ELMO1: variants seen among roughly 807,000 people sequenced by gnomAD.
The protein encoded by ELMO1 is engulfment and cell motility 1, also known as engulfment and cell motility protein 1.
Under a neutral mutation model 98.9 loss-of-function variants are expected in ELMO1, and 26 were observed. The ratio of observed to expected loss-of-function variants is 0.26; its 90% CI spans 0.19 to 0.36. The LOEUF (loss-of-function observed/expected upper bound fraction) is 0.36, where lower values mean the gene tolerates loss of function less well. Ranked by LOEUF, ELMO1 falls within the 10% of genes least tolerant of loss-of-function variation. ELMO1 has a pLI of 1.00. For missense variants in ELMO1, 627 were observed against 935.2 expected (o/e 0.67, Z 4.30); for synonymous variants, 346 against 346.0 (o/e 1.00, Z 0.00).
At chr7:37,118,628 T>A (rs1157566470) in intron 14 of ELMO1, among the ~76,000 whole-genome samples, 2 of 152,182 alleles carry the variant, frequency 1.3e-5, no homozygotes, top group Non-Finnish European at 2.9e-5. Flanking sequence ...ACTCAAATGG[T>A]TGAAGCACCT....
chr7:37,256,686 GGGAAGGAAGAAA>G (rs1340919043), intron 6 of ELMO1, among the ~76,000 whole-genome samples: 5 of 136,656 alleles, frequency 3.7e-5, no homozygotes, highest in Non-Finnish European at 6.3e-5. Flanking sequence ...GGGAGAAGGA[GGGAAGGAAGAAA>G]GGAAGGAAGA....
At chr7:37,445,706 T>C (rs1368318651) in intron 1 of ELMO1, among the ~76,000 whole-genome samples, 1 of 152,190 alleles carries the variant, frequency 6.6e-6, no homozygotes, top group Non-Finnish European at 1.5e-5. Flanking sequence ...TAATGTTTTC[T>C]CACTTTTATT....
intron 16 of ELMO1, among the ~76,000 whole-genome samples, chr7:36,902,066 T>C (rs1236284885): frequency 6.6e-6 from 1 of 152,206 alleles, no homozygotes; most frequent in Non-Finnish European, 1.5e-5. Context: ...TGCAGTCCCC[T>C]GGTGAAGGGC....
intron 1 of ELMO1, among the ~76,000 whole-genome samples, chr7:37,407,766 T>C (rs1420914589): frequency 1.3e-5 from 2 of 152,186 alleles, no homozygotes; most frequent in Non-Finnish European, 2.9e-5. Context: ...TATGCATTCG[T>C]TCAATCTCAT....
chr7:37,229,163 G>A (rs1324968405), intron 8 of ELMO1, among the ~76,000 whole-genome samples: 1 of 152,142 alleles, frequency 6.6e-6, no homozygotes, highest in Non-Finnish European at 1.5e-5. Context: ...AACATTTGCG[G>A]GGTAAGCCAG....
intron 15 of ELMO1, among the ~76,000 whole-genome samples, chr7:37,046,143 G>A (rs1795783991): frequency 6.6e-6 from 1 of 152,198 alleles, no homozygotes; most frequent in South Asian, 2.1e-4. Context: ...CCAAGAAAGA[G>A]TCAGTTGATC....
At chr7:37,030,706 G>C (rs532681543) in intron 15 of ELMO1, among the ~76,000 whole-genome samples, 2 of 152,038 alleles carry the variant, frequency 1.3e-5, no homozygotes, top group African/African-American at 4.8e-5. Context: ...GCTCTTTCTC[G>C]TCTCCTTCAT....
intron 11 of ELMO1, among the ~76,000 whole-genome samples, chr7:37,213,664 A>G (rs531732606): frequency 1.4e-4 from 21 of 152,078 alleles, no homozygotes; most frequent in African/African-American, 4.8e-4. Context: ...CCATGAAAAA[A>G]CCTACTGTGG....
chr7:37,121,086 A>G (rs868817773), intron 14 of ELMO1, among the ~76,000 whole-genome samples: 1 of 152,230 alleles, frequency 6.6e-6, no homozygotes, highest in Non-Finnish European at 1.5e-5. Context: ...AAGGAAAACT[A>G]ACAAACAGAA....
chr7:37,362,867 C>G (rs1325877515), intron 1 of ELMO1, among the ~76,000 whole-genome samples: 2 of 152,180 alleles, frequency 1.3e-5, no homozygotes, highest in East Asian at 3.9e-4. Flanking sequence ...ATACATATGA[C>G]TCTTGTGGCT....
chr7:37,368,928 C>T (rs908369589), intron 1 of ELMO1, among the ~76,000 whole-genome samples: 2 of 152,160 alleles, frequency 1.3e-5, no homozygotes, highest in Non-Finnish European at 2.9e-5. Flanking sequence ...ATGCCTTTCT[C>T]TCCTTTTCAT....
chr7:36,916,686 G>A (rs1039878983), intron 16 of ELMO1, among the ~76,000 whole-genome samples: 1 of 152,228 alleles, frequency 6.6e-6, no homozygotes, highest in Non-Finnish European at 1.5e-5. Flanking sequence ...GGGGGCCTGT[G>A]CCCAGCCTTC....
At chr7:36,975,579 G>C (rs962925944) in intron 16 of ELMO1, among the ~76,000 whole-genome samples, 1 of 152,120 alleles carries the variant, frequency 6.6e-6, no homozygotes, top group Non-Finnish European at 1.5e-5. Context: ...GGGAGCCATG[G>C]CTCATGTCTA....
chr7:37,086,627 C>T (rs1783794964), intron 15 of ELMO1, among the ~76,000 whole-genome samples: 1 of 150,816 alleles, frequency 6.6e-6, no homozygotes, highest in South Asian at 2.1e-4. Flanking sequence ...CCTGTAATCC[C>T]AGGTACTCGG....
At chr7:37,101,241 G>A (rs1784622838) in intron 14 of ELMO1, among the ~76,000 whole-genome samples, 2 of 152,184 alleles carry the variant, frequency 1.3e-5, no homozygotes, top group African/African-American at 4.8e-5. Context: ...CACCAAGAAT[G>A]CAAGATAAAA....
rs544980067 is a variant in ELMO1, at chr7:37,165,444, GC to G, written c.1087-32211del. Among the ~76,000 whole-genome samples the G allele has an allele frequency of 6.6e-3, 1,006 of 152,036 alleles. 6 individuals are homozygous for G. The highest frequency in any genetic ancestry group is 0.011 in the Non-Finnish European group (714 of 67,960). On this transcript the variant is annotated intron_variant, in intron 13 of 21. Coordinates refer to ENST00000310758, the MANE Select transcript of ELMO1 (RefSeq NM_014800.11). ...TTCAAAGGGAATGCTTCCAGTTTTT[GC>G]CCATTCAGTATGATATTGGCTGTGG...
At chr7:36,877,769 C>A in intron 19 of ELMO1, among the ~76,000 whole-genome samples, 1 of 152,172 alleles carries the variant, frequency 6.6e-6, no homozygotes, top group East Asian at 1.9e-4. Flanking sequence ...ATTTGAACCC[C>A]CAGTTTACGT....
intron 16 of ELMO1, among the ~76,000 whole-genome samples, chr7:36,909,156 C>T (rs1455172852): frequency 3.9e-5 from 6 of 152,132 alleles, no homozygotes; most frequent in Admixed American, 6.5e-5. Flanking sequence ...CTTTAACCTA[C>T]GATTAATGAA....
chr7:37,434,166 G>A (rs954002092), intron 1 of ELMO1, among the ~76,000 whole-genome samples: 2 of 152,318 alleles, frequency 1.3e-5, no homozygotes, highest in South Asian at 2.1e-4. Context: ...AAACCTGGGC[G>A]ATAAGGAGGT....
Sources: allele counts gnomAD v4.1 joint callset (sites outside exome capture counted in the v4.1 genomes callset), GRCh38; gene constraint gnomAD v4.1.1; transcripts MANE v1.5; gene names NCBI Gene and HGNC (gene_info 2026-07-23, HGNC 2026-07-21).